The following LMO7 variants were observed in gnomAD, a reference collection of about 807,000 sequenced individuals.
LMO7 encodes LIM domain 7.
In LMO7, 120 loss-of-function variants were observed where a neutral mutation model predicts 206.5. The observed-to-expected ratio is 0.58, with a 90% confidence interval of 0.50 to 0.68. The LOEUF (loss-of-function observed/expected upper bound fraction) is 0.68. Among genes scored for constraint, LMO7 ranks in the 30% least tolerant of loss-of-function variants. The probability of loss-of-function intolerance (pLI) is 0.00; values close to 1 mark genes in which losing one functional copy is unlikely to be tolerated. For synonymous variants in LMO7, 706 were observed against 681.5 expected (o/e 1.04, Z -0.56); for missense variants, 1,959 against 1,957.9 (o/e 1.00, Z -0.01).
At chr13:75,839,512 T>A (rs977285567) in intron 20 of LMO7, among the ~76,000 whole-genome samples, 3 of 152,210 alleles carry the variant, frequency 2.0e-5, no homozygotes, top group Non-Finnish European at 2.9e-5. Context: ...AATAAGACTG[T>A]ACCCATAAGT....
At chr13:75,689,853 G>T (rs984054266) in intron 1 of LMO7, among the ~76,000 whole-genome samples, 21 of 152,132 alleles carry the variant, frequency 1.4e-4, no homozygotes, top group African/African-American at 4.6e-4. Context: ...TGGCTTCCTT[G>T]CTTCTCAGCT....
chr13:75,799,918 A>G (rs1325891299), intron 6 of LMO7, among the ~76,000 whole-genome samples: 2 of 152,222 alleles, frequency 1.3e-5, no homozygotes, highest in Non-Finnish European at 2.9e-5. Context: ...AGTAAGTTCT[A>G]TATAATTCAC....
At chr13:75,819,677 T>G (rs1263498277) in intron 13 of LMO7, 142 bp downstream of exon 13, 1 of 859,112 alleles carries the variant, frequency 1.2e-6, no homozygotes, top group Non-Finnish European at 1.6e-6. Context: ...GTTTAAGATT[T>G]TGGTCTGCGG....
chr13:75,686,544 T>TTTTA (rs398023481), intron 1 of LMO7, among the ~76,000 whole-genome samples: 6 of 151,102 alleles, frequency 4.0e-5, no homozygotes, highest in Middle Eastern at 3.4e-3. Flanking sequence ...TTTTTTTTTT[T>TTTTA]AAACTCTCTG....
At chr13:75,684,547 C>CTTTTTT (rs374482530) in intron 1 of LMO7, among the ~76,000 whole-genome samples, 1 of 128,962 alleles carries the variant, frequency 7.8e-6, no homozygotes, top group African/African-American at 2.9e-5. Flanking sequence ...GCCCGGCCGG[C>CTTTTTT]TTTTTTTTTT....
intron 3 of LMO7, among the ~76,000 whole-genome samples, chr13:75,731,864 T>G (rs1407718681): frequency 6.6e-6 from 1 of 151,974 alleles, no homozygotes; most frequent in Non-Finnish European, 1.5e-5. Flanking sequence ...GTCTGTAAAG[T>G]ATTTTATTTC....
intron 29 of LMO7, among the ~76,000 whole-genome samples, chr13:75,855,907 C>G (rs909862758): frequency 6.6e-6 from 1 of 152,192 alleles, no homozygotes; most frequent in African/African-American, 2.4e-5. Flanking sequence ...GATTCTTGAA[C>G]TTGCATTGGG....
At chr13:75,826,663 C>G (rs2058139780) in intron 15 of LMO7, among the ~76,000 whole-genome samples, 1 of 152,094 alleles carries the variant, frequency 6.6e-6, no homozygotes, top group Admixed American at 6.6e-5. Flanking sequence ...CACAGCAGCC[C>G]TGTGAGGTAA....
chr13:75,651,937 A>G (rs1385619293), intron 1 of LMO7, among the ~76,000 whole-genome samples: 4 of 152,186 alleles, frequency 2.6e-5, no homozygotes, highest in South Asian at 2.1e-4. Flanking sequence ...CCTATCTGTA[A>G]GGGAGTCTAA....
At chr13:75,643,131 G>A (rs946590849) in intron 1 of LMO7, among the ~76,000 whole-genome samples, 1 of 152,188 alleles carries the variant, frequency 6.6e-6, no homozygotes, top group Admixed American at 6.5e-5. Flanking sequence ...ATCTGTGTTG[G>A]TTCTTGTCTT....
chr13:75,662,088 A>G (rs1230723985), intron 1 of LMO7, among the ~76,000 whole-genome samples: 7 of 152,218 alleles, frequency 4.6e-5, no homozygotes, highest in Non-Finnish European at 7.3e-5. Flanking sequence ...CTTCAGTCAT[A>G]TGTTAAACTT....
rs190659715 is a variant in LMO7 at position 75,823,422 on chromosome 13, C to T, written c.2641-143C>T. The T allele has an allele frequency of 7.6e-6, 5 of 661,922 alleles. No homozygotes were observed. In the African/African-American group the frequency reaches 9.1e-5, roughly 12 times the overall value. 41.0% of individuals were successfully genotyped at this position (661,922 alleles called of 1,614,324 possible). On this transcript the variant is annotated intron_variant, in intron 14 of 30. Transcript: ENST00000377534. ...GTGTTTATCTGTTGGTGTGAAAGAA[C>T]TCAGCCCAAGCTTTTAGCAATAGTT...
chr13:75,853,291 G>A lies in LMO7; in HGVS notation c.4564G>A (p.Val1522Met), dbSNP rs763384398. Residue 1522 changes from valine (V) to methionine (M), a missense_variant, in exon 28 of 31, where the codon GTG (valine) becomes ATG (methionine). Coordinates refer to ENST00000377534, the MANE Select transcript of LMO7 (RefSeq NM_001306080.2). ...CGTGCCCCCACCTTCAGCTGGCTCC[G>A]TGAAGACCTCCACCACAGGTGTGGC... ...SSVPPPSAGS[V>M]KTSTTGVATT... 21 of 1,613,966 alleles carry A rather than the reference G, an allele frequency of 1.3e-5. No homozygotes were observed. Among genetic ancestry groups the A allele is most frequent in the East Asian group, 4.5e-5 (2 of 44,850 alleles).
At chr13:75,840,318 A>G (rs1013209381) in intron 21 of LMO7, 73 bp from the exon 22 acceptor site, 2 of 1,540,776 alleles carry the variant, frequency 1.3e-6, no homozygotes, top group African/African-American at 1.4e-5. Flanking sequence ...TATGTGTGCA[A>G]AAGTGGTTCA....
At chr13:75,822,265 A>C (rs2057657414) in intron 14 of LMO7, among the ~76,000 whole-genome samples, 1 of 152,106 alleles carries the variant, frequency 6.6e-6, no homozygotes, top group Non-Finnish European at 1.5e-5. Flanking sequence ...CTAATGTACA[A>C]TCCTAAACTC....
chr13:75,849,770 A>G (rs2060334284), intron 27 of LMO7, among the ~76,000 whole-genome samples: 1 of 152,176 alleles, frequency 6.6e-6, no homozygotes. Flanking sequence ...CTTTAAGGAG[A>G]TAAAGGTATA....
At chr13:75,626,595 A>ATATATATATATATTTTTTTTTTTTT in intron 2 of LMO7, among the ~76,000 whole-genome samples, 1 of 71,098 alleles carries the variant, frequency 1.4e-5, no homozygotes, top group East Asian at 5.9e-4. Flanking sequence ...ATATATATAA[A>ATATATATATATATTTTTTTTTTTTT]TTTTTTTGAG....
intron 1 of LMO7, among the ~76,000 whole-genome samples, chr13:75,659,869 G>T (rs1369984087): frequency 6.6e-6 from 1 of 151,894 alleles, no homozygotes; most frequent in South Asian, 2.1e-4. Context: ...TTGTCCTTGG[G>T]CCTTGGTTAG....
At chr13:75,719,822 T>C (rs948756102) in intron 2 of LMO7, among the ~76,000 whole-genome samples, 1 of 152,234 alleles carries the variant, frequency 6.6e-6, no homozygotes, top group Non-Finnish European at 1.5e-5. Flanking sequence ...GTTTTTTGTG[T>C]AAATGTAAAT....
Sources: allele counts gnomAD v4.1 joint callset (sites outside exome capture counted in the v4.1 genomes callset), GRCh38; gene constraint gnomAD v4.1.1; transcripts MANE v1.5; gene names NCBI Gene and HGNC (gene_info 2026-07-23, HGNC 2026-07-21).